Variants in HCFC2 observed in about 807,000 individuals in gnomAD.
HCFC2 encodes the protein host cell factor C2.
In HCFC2, 18 loss-of-function variants were observed where a neutral mutation model predicts 89.2. The observed-to-expected ratio is 0.20, with a 90% CI of 0.14 to 0.30. HCFC2 has a LOEUF of 0.30. HCFC2 is among the 10% of genes least tolerant of loss of function. The pLI is 1.00. For synonymous variants in HCFC2, 308 were observed against 335.7 expected, an observed-to-expected ratio of 0.92 and a Z score of 0.90; for missense variants, 578 against 956.1, an observed-to-expected ratio of 0.60 and a Z score of 5.21.
Position 104,095,582 on chromosome 12 carries a change from A to T in HCFC2, c.1666+19A>T. On this transcript the variant is annotated intron_variant, in intron 11 of 14. Transcript: ENST00000229330. The surrounding 1 kb of genome is among the most constrained non-coding windows in gnomAD (Gnocchi z 4.2). ...TCTGAAGGTTTGAAATGTGTTTCAC[A>T]TACTGTATTTTGAACCATTTATGTA... 6.3e-7 allele frequency: 1 copy of T among 1,588,594 alleles called. No homozygotes were observed. Among genetic ancestry groups the T allele is most frequent in the Non-Finnish European group, 8.6e-7 (1 of 1,157,262 alleles).
In HCFC2 at chr12:104,086,879, A is replaced by G; in HGVS notation, c.1096A>G (p.Ile366Val). Residue 366 changes from isoleucine to valine, a missense_variant, in exon 8 of 15, where the codon ATC becomes GTC. This residue lies in a region of HCFC2 where 210 missense variants were observed against 251.7 expected (regional missense o/e 0.83). Coordinates refer to ENST00000229330, the MANE Select transcript of HCFC2 (RefSeq NM_013320.3). ...KPPAPSQVQL[I>V]KATTNSFHVK... ...ACCGGCACCATCTCAAGTACAGCTG[A>G]TCAAAGCCACTACCAACTCCTTTCA... The G allele has an allele frequency of 6.2e-7, 1 of 1,613,934 alleles. No individual in the cohort carries two copies. Among genetic ancestry groups the G allele is most frequent in the Non-Finnish European group, 8.5e-7 (1 of 1,179,876 alleles).
intron 9 of HCFC2, among the ~76,000 whole-genome samples, chr12:104,088,972 G>A (rs1253195460): frequency 2.0e-5 from 3 of 151,936 alleles, no homozygotes; most frequent in Non-Finnish European, 2.9e-5. Flanking sequence ...TTAAACTATC[G>A]TAGCTTTCTT....
intron 9 of HCFC2, among the ~76,000 whole-genome samples, chr12:104,091,917 A>G (rs1450467470): frequency 6.6e-6 from 1 of 152,214 alleles, no homozygotes; most frequent in Non-Finnish European, 1.5e-5. Flanking sequence ...TGTGGCTATC[A>G]TTATCATCAT....
chr12:104,095,551 A>G lies in HCFC2; in HGVS notation c.1654A>G (p.Thr552Ala). ...TGAAACTTCACTAACAACATTCAGT[A>G]CCAAATCTGAAGGTTTGAAATGTGT... ...KDETSLTTFS[T>A]KSEVDETYAL... is the part of the protein sequence containing the mutation. Residue 552 changes from threonine (T) to alanine (A), a missense_variant, in exon 11 of 15, where the codon ACC (threonine) becomes GCC (alanine). By Grantham distance (58) the Thr-to-Ala change is moderately conservative. This residue lies in a region of HCFC2 where 210 missense variants were observed against 251.7 expected (regional missense o/e 0.83). Coordinates refer to ENST00000229330, the MANE Select transcript of HCFC2 (RefSeq NM_013320.3). This position sits in a 1 kb window ranked among gnomAD's most constrained non-coding sequence, Gnocchi z 4.2. 6.2e-7 allele frequency: 1 copy of G among 1,612,002 alleles called. No individual in the cohort carries two copies. Among genetic ancestry groups the G allele is most frequent in the South Asian group, 1.1e-5 (1 of 91,008 alleles).
chr12:104,093,301 T>C, intron 9 of HCFC2, 85 bp from the exon 10 acceptor site: 1 of 836,710 alleles, frequency 1.2e-6, no homozygotes, highest in African/African-American at 1.8e-5. Context: ...AGTATTTAAA[T>C]TGTAACTTAT....
chr12:104,077,716 T>G (rs1883548766), intron 3 of HCFC2, among the ~76,000 whole-genome samples: 1 of 152,102 alleles, frequency 6.6e-6, no homozygotes, highest in Non-Finnish European at 1.5e-5. Context: ...CCTTAGTTGC[T>G]TGGAAATTAA....
In HCFC2 at chr12:104,079,564, A is replaced by G. The variant is rs1265143908; in HGVS notation, c.593A>G (p.Tyr198Cys). Residue 198 changes from tyrosine (Y) to cysteine (C), a missense_variant, in exon 4 of 15, where the codon TAT (tyrosine) becomes TGT (cysteine). Coordinates refer to ENST00000229330, the MANE Select transcript of HCFC2 (RefSeq NM_013320.3). ...AGAGAATCCCACACAGCTGTTATAT[A>G]TTGCAAAAAAGATTCTGGAAGTCCT... ...SPRESHTAVIYCKKDSGSPKM... is the reference protein window; with the variant it reads ...SPRESHTAVICCKKDSGSPKM... 2 of 1,614,004 alleles carry G rather than the reference A, an allele frequency of 1.2e-6. No individual in the cohort carries two copies. The highest frequency in any genetic ancestry group is 1.7e-5 in the Admixed American group (1 of 59,990).
At chr12:104,072,743 C>T (rs1048189033) in intron 3 of HCFC2, among the ~76,000 whole-genome samples, 6 of 151,422 alleles carry the variant, frequency 4.0e-5, no homozygotes, top group East Asian at 1.9e-4. Flanking sequence ...CCTGGGTTCA[C>T]GCCATTCTCC....
intron 8 of HCFC2, among the ~76,000 whole-genome samples, chr12:104,087,302 T>C (rs1883881362): frequency 6.7e-6 from 1 of 148,932 alleles, no homozygotes; most frequent in South Asian, 2.1e-4. Flanking sequence ...TGCAGTGAGC[T>C]GAGATCATGC....
intron 8 of HCFC2, among the ~76,000 whole-genome samples, chr12:104,087,671 T>G (rs1034609560): frequency 6.6e-6 from 1 of 151,900 alleles, no homozygotes; most frequent in African/African-American, 2.4e-5. Context: ...TTTTCTGCAG[T>G]TCATTTTTAT....
At chr12:104,078,587 A>G (rs17192854) in intron 3 of HCFC2, among the ~76,000 whole-genome samples, 13,486 of 152,286 alleles carry the variant, frequency 0.089, 874 homozygotes, top group Admixed American at 0.17. Context: ...GTTACAAAGC[A>G]GCATTTTTAG....
chr12:104,071,008 G>T (rs1303970658), intron 3 of HCFC2, among the ~76,000 whole-genome samples: 1 of 151,884 alleles, frequency 6.6e-6, no homozygotes, highest in Non-Finnish European at 1.5e-5. Flanking sequence ...AGGTTTCACC[G>T]TGTTAGCCAG....
chr12:104,070,172 A>C (rs1016639135), intron 3 of HCFC2, among the ~76,000 whole-genome samples: 1 of 151,696 alleles, frequency 6.6e-6, no homozygotes, highest in Admixed American at 6.6e-5. Flanking sequence ...ACAGGCGCCC[A>C]CCACCACGCC....
At chr12:104,073,341 T>A (rs185581632) in intron 3 of HCFC2, among the ~76,000 whole-genome samples, 1 of 151,950 alleles carries the variant, frequency 6.6e-6, no homozygotes, top group African/African-American at 2.4e-5. Flanking sequence ...ATTTTTGTAT[T>A]TTTAGTAGAG....
chr12:104,069,261 G>T (rs545579513), intron 3 of HCFC2, among the ~76,000 whole-genome samples: 1 of 152,084 alleles, frequency 6.6e-6, no homozygotes, highest in Non-Finnish European at 1.5e-5. Flanking sequence ...AGCCGAGATC[G>T]TGCTGCTGCA....
intron 3 of HCFC2, among the ~76,000 whole-genome samples, chr12:104,077,072 A>G (rs1190146472): frequency 2.0e-5 from 3 of 152,050 alleles, no homozygotes; most frequent in South Asian, 2.1e-4. Flanking sequence ...CTGTCAGTTT[A>G]TATCTTTTTA....
chr12:104,096,493 G>A, intron 12 of HCFC2, 60 bp downstream of exon 12: 1 of 1,113,446 alleles, frequency 9.0e-7, no homozygotes, highest in Non-Finnish European at 1.3e-6. Context: ...TTTAAATGCT[G>A]AGCAACTTCT....
At chr12:104,096,496 C>T in intron 12 of HCFC2, 63 bp downstream of exon 12, 1 of 1,092,648 alleles carries the variant, frequency 9.2e-7, no homozygotes, top group Admixed American at 1.9e-5. Context: ...AAATGCTGAG[C>T]AACTTCTAAA....
chr12:104,076,285 T>TAAATGAATGTTCGA (rs1883493424), intron 3 of HCFC2, among the ~76,000 whole-genome samples: 1 of 152,264 alleles, frequency 6.6e-6, no homozygotes, highest in Non-Finnish European at 1.5e-5. Context: ...CTGGCTCTAT[T>TAAATGAATGTTCGA]AAATGAATGT....
Sources: allele counts gnomAD v4.1 joint callset (sites outside exome capture counted in the v4.1 genomes callset), GRCh38; gene constraint gnomAD v4.1.1; regional missense constraint gnomAD v4.1.1; non-coding constraint Gnocchi (gnomAD v3.1); transcripts MANE v1.5; gene names NCBI Gene and HGNC (gene_info 2026-07-23, HGNC 2026-07-21).